The following ZMYND8 variants were observed in gnomAD, a reference collection of about 807,000 sequenced individuals.
ZMYND8 encodes the protein zinc finger MYND-type containing 8.
A neutral mutation model predicts 140.8 loss-of-function variants in ZMYND8; 37 were observed. The ratio of observed to expected loss-of-function variants is 0.26; its 90% CI spans 0.20 to 0.35. The LOEUF (loss-of-function observed/expected upper bound fraction) is 0.35. Among genes scored for constraint, ZMYND8 ranks in the 10% least tolerant of loss-of-function variants. The pLI is 1.00. For missense variants in ZMYND8, 1,068 were observed against 1,570.0 expected (o/e 0.68, Z 5.40); for synonymous variants, 592 against 597.1 (o/e 0.99, Z 0.12).
At chr20:47,215,304 C>T (rs2035919015) in intron 21 of ZMYND8, among the ~76,000 whole-genome samples, 1 of 152,066 alleles carries the variant, frequency 6.6e-6, no homozygotes, top group African/African-American at 2.4e-5. Context: ...ACCTGGGAAG[C>T]AGAGGTTGCA....
chr20:47,304,261 T>C (rs1018400533), intron 3 of ZMYND8, among the ~76,000 whole-genome samples: 2 of 152,212 alleles, frequency 1.3e-5, no homozygotes, highest in African/African-American at 4.8e-5. Context: ...GAAAAGGCCC[T>C]GTCTATTTGC....
intron 3 of ZMYND8, among the ~76,000 whole-genome samples, chr20:47,307,296 CAA>C (rs1238714381): frequency 7.0e-6 from 1 of 142,580 alleles, no homozygotes. Flanking sequence ...ACCAAAACTA[CAA>C]AAAAAAAAAA....
At chr20:47,286,174 T>C (rs2076909424) in intron 8 of ZMYND8, among the ~76,000 whole-genome samples, 1 of 143,688 alleles carries the variant, frequency 7.0e-6, no homozygotes, top group Admixed American at 7.0e-5. Flanking sequence ...TTTATAAGGA[T>C]AGATTTTTTT....
At chr20:47,315,390 T>C (rs1359150537) in intron 2 of ZMYND8, among the ~76,000 whole-genome samples, 1 of 152,148 alleles carries the variant, frequency 6.6e-6, no homozygotes, top group African/African-American at 2.4e-5. Context: ...GGGTCGAAAT[T>C]TGATAGGTTC....
intron 2 of ZMYND8, among the ~76,000 whole-genome samples, chr20:47,332,658 G>A (rs561789193): frequency 2.0e-5 from 3 of 151,932 alleles, no homozygotes; most frequent in South Asian, 2.1e-4. Context: ...TGCAGTGAGC[G>A]AGGATCATGC....
intron 10 of ZMYND8, among the ~76,000 whole-genome samples, chr20:47,281,480 GCCTA>G (rs2076601542): frequency 1.3e-5 from 2 of 152,116 alleles, no homozygotes; most frequent in South Asian, 4.1e-4. Flanking sequence ...GCTCATCTCT[GCCTA>G]CCTGTTGTTC....
intron 10 of ZMYND8, among the ~76,000 whole-genome samples, chr20:47,278,385 G>A (rs764355657): frequency 6.6e-6 from 1 of 152,190 alleles, no homozygotes; most frequent in Non-Finnish European, 1.5e-5. Flanking sequence ...CACGTCTGGT[G>A]GAAAGGGAGA....
intron 2 of ZMYND8, among the ~76,000 whole-genome samples, chr20:47,323,868 G>A (rs2080170293): frequency 6.6e-6 from 1 of 152,044 alleles, no homozygotes; most frequent in Admixed American, 6.6e-5. Context: ...TCACCTCTCT[G>A]AGCCTCAGAG....
intron 2 of ZMYND8, among the ~76,000 whole-genome samples, chr20:47,327,295 G>A (rs866207027): frequency 2.0e-5 from 3 of 150,698 alleles, no homozygotes; most frequent in Non-Finnish European, 3.0e-5. Context: ...GTGAGCCACC[G>A]CCTTTAAAGA....
At chr20:47,222,989 T>C (rs1055150996) in intron 19 of ZMYND8, among the ~76,000 whole-genome samples, 1 of 152,194 alleles carries the variant, frequency 6.6e-6, no homozygotes, top group Non-Finnish European at 1.5e-5. Flanking sequence ...GTACAAAGCC[T>C]AAAATATTCA....
intron 2 of ZMYND8, among the ~76,000 whole-genome samples, chr20:47,323,553 C>T (rs2080150174): frequency 6.6e-6 from 1 of 152,104 alleles, no homozygotes; most frequent in Non-Finnish European, 1.5e-5. Flanking sequence ...CTTCACCAGA[C>T]TACCTCTTCC....
intron 3 of ZMYND8, among the ~76,000 whole-genome samples, chr20:47,302,443 C>T (rs567991583): frequency 3.5e-4 from 54 of 152,164 alleles, no homozygotes; most frequent in East Asian, 7.7e-4. Flanking sequence ...AGCGAAAGAG[C>T]GAGACATCAT....
At chr20:47,319,229 G>T in intron 2 of ZMYND8, 1 of 367,654 alleles carries the variant, frequency 2.7e-6, no homozygotes, top group Non-Finnish European at 5.3e-6. Flanking sequence ...CCGGGCTTTC[G>T]CCTATAATTT....
intron 12 of ZMYND8, among the ~76,000 whole-genome samples, chr20:47,255,665 T>TATATACCATATACATATCCTCA (rs2074567150): frequency 7.3e-6 from 1 of 137,146 alleles, no homozygotes; most frequent in African/African-American, 2.7e-5. Flanking sequence ...ACTCAGTATA[T>TATATACCATATACATATCCTCA]GTATATGGTG....
At chr20:47,225,554 CAAGGGAGGGG>C (rs1239030646) in intron 18 of ZMYND8, among the ~76,000 whole-genome samples, 10 of 3,616 alleles carry the variant, frequency 2.8e-3, no homozygotes, top group East Asian at 6.6e-3. Context: ...ACTCCATTGA[CAAGGGAGGGG>C]AAGGGAGGGG....
At chr20:47,323,992 A>C (rs1601931113) in intron 2 of ZMYND8, among the ~76,000 whole-genome samples, 1 of 151,004 alleles carries the variant, frequency 6.6e-6, no homozygotes, top group Admixed American at 6.6e-5. Context: ...CAAAGTCAAG[A>C]GATCGAGACC....
At chr20:47,354,792 A>G (rs1390536728) in intron 1 of ZMYND8, among the ~76,000 whole-genome samples, 1 of 152,224 alleles carries the variant, frequency 6.6e-6, no homozygotes. Flanking sequence ...TTCTGAAGGT[A>G]CTGCTAAACA....
intron 3 of ZMYND8, among the ~76,000 whole-genome samples, chr20:47,305,328 C>T (rs1339798699): frequency 6.6e-6 from 1 of 151,720 alleles, no homozygotes; most frequent in Non-Finnish European, 1.5e-5. Flanking sequence ...TTCACTACAA[C>T]CTCCGAGGTT....
At chr20:47,260,999 A>T (rs771464489) in intron 12 of ZMYND8, among the ~76,000 whole-genome samples, 1 of 152,142 alleles carries the variant, frequency 6.6e-6, no homozygotes, top group Non-Finnish European at 1.5e-5. Context: ...AGGCAGGCAG[A>T]TCACCTTAGG....
Sources: gnomAD v4.1 joint callset for allele counts (sites outside exome capture counted in the v4.1 genomes callset) on GRCh38, gnomAD v4.1.1 for gene constraint, MANE v1.5 for transcripts, NCBI Gene and HGNC (gene_info 2026-07-23, HGNC 2026-07-21) for gene names.